NEGR1: variants seen among roughly 807,000 people sequenced by gnomAD.
NEGR1 encodes the protein neuronal growth regulator 1.
In NEGR1, 10 loss-of-function variants were observed where a neutral mutation model predicts 40.9. That is an observed-to-expected ratio of 0.24 (90% confidence interval 0.15 to 0.42). The LOEUF (loss-of-function observed/expected upper bound fraction) is 0.42, where lower values mean the gene tolerates loss of function less well. Ranked by LOEUF, NEGR1 falls within the 10% of genes least tolerant of loss-of-function variation. The probability of loss-of-function intolerance (pLI) is 1.00; values close to 1 mark genes in which losing one functional copy is unlikely to be tolerated. For synonymous variants in NEGR1, 185 were observed against 166.8 expected, an observed-to-expected ratio of 1.11 and a Z score of -0.84; for missense variants, 352 against 438.9, an observed-to-expected ratio of 0.80 and a Z score of 1.77.
chr1:71,730,569 T>TTATCTATA (rs1553161611), intron 3 of NEGR1, among the ~76,000 whole-genome samples: 1 of 134,726 alleles, frequency 7.4e-6, no homozygotes, highest in Admixed American at 7.5e-5. Flanking sequence ...TAGTATAAAT[T>TTATCTATA]TATATATATA....
intron 1 of NEGR1, among the ~76,000 whole-genome samples, chr1:72,046,231 T>C (rs1647000960): frequency 6.6e-6 from 1 of 151,558 alleles, no homozygotes; most frequent in African/African-American, 2.4e-5. Context: ...AGAGAGTAAA[T>C]ATTGAAACCT....
At chr1:71,420,012 C>G (rs780444289) in intron 6 of NEGR1, among the ~76,000 whole-genome samples, 1 of 151,900 alleles carries the variant, frequency 6.6e-6, no homozygotes, top group Non-Finnish European at 1.5e-5. Context: ...TTTTTAAAAC[C>G]ATTACATCAA....
At chr1:71,632,686 G>A (rs937212472) in intron 4 of NEGR1, among the ~76,000 whole-genome samples, 1 of 151,712 alleles carries the variant, frequency 6.6e-6, no homozygotes, top group African/African-American at 2.4e-5. Flanking sequence ...TTTCTTAATT[G>A]TCATTTTATT....
chr1:71,803,161 T>A (rs1324320667), intron 2 of NEGR1, among the ~76,000 whole-genome samples: 1 of 152,106 alleles, frequency 6.6e-6, no homozygotes, highest in East Asian at 1.9e-4. Context: ...TCATCTTGGT[T>A]GGCCCCTAAT....
At chr1:71,665,445 C>T (rs1652211384) in intron 4 of NEGR1, among the ~76,000 whole-genome samples, 1 of 152,154 alleles carries the variant, frequency 6.6e-6, no homozygotes, top group South Asian at 2.1e-4. Flanking sequence ...ATTCTATAAA[C>T]ATGTGTTGGA....
At chr1:71,783,852 A>ATCCATCCC (rs1656810395) in intron 2 of NEGR1, among the ~76,000 whole-genome samples, 1 of 128,124 alleles carries the variant, frequency 7.8e-6, no homozygotes, top group African/African-American at 2.5e-5. Context: ...CCATCCATCC[A>ATCCATCCC]TCCATCCATC....
rs531092809 is a variant in NEGR1 at position 71,863,810 on chromosome 1, C to T, written c.409+71269G>A. 4.9e-4 allele frequency among the ~76,000 whole-genome samples: 74 copies of T among 152,148 alleles called. 1 individual carries two copies. Among genetic ancestry groups the T allele is most frequent in the African/African-American group, 8.7e-4 (36 of 41,510 alleles). ...TTTGAGTGGTCTGGCAACCACCCAA[C>T]GTGTTGATTATACATAATGAACAAG... On this transcript the variant is annotated intron_variant, in intron 2 of 6. Transcript: ENST00000357731.
At chr1:71,597,517 G>C (rs2101527779) in intron 5 of NEGR1, among the ~76,000 whole-genome samples, 1 of 118,966 alleles carries the variant, frequency 8.4e-6, no homozygotes, top group Non-Finnish European at 1.8e-5. Flanking sequence ...CTGTGAATCA[G>C]ACTGTATTTC....
At chr1:71,466,439 G>A (rs548044941) in intron 6 of NEGR1, among the ~76,000 whole-genome samples, 60 of 152,152 alleles carry the variant, frequency 3.9e-4, no homozygotes, top group African/African-American at 1.3e-3. Flanking sequence ...GCTAGTGGGA[G>A]CAGATAGTTT....
intron 1 of NEGR1, among the ~76,000 whole-genome samples, chr1:71,965,362 T>G (rs981252262): frequency 1.3e-5 from 2 of 152,184 alleles, no homozygotes; most frequent in Non-Finnish European, 2.9e-5. Flanking sequence ...TTTCTGTTAC[T>G]TGCAGCTGAA....
chr1:71,471,965 T>A (rs1301745513), intron 6 of NEGR1, among the ~76,000 whole-genome samples: 1 of 152,060 alleles, frequency 6.6e-6, no homozygotes, highest in African/African-American at 2.4e-5. Flanking sequence ...CCCTTTTACC[T>A]CCCCTGTGTT....
At chr1:71,601,130 A>G (rs1649904734) in intron 5 of NEGR1, among the ~76,000 whole-genome samples, 1 of 152,214 alleles carries the variant, frequency 6.6e-6, no homozygotes, top group African/African-American at 2.4e-5. Flanking sequence ...ACTCTAAGCC[A>G]TATTTTAACT....
chr1:72,221,003 C>T (rs1653995691), intron 1 of NEGR1, among the ~76,000 whole-genome samples: 1 of 147,340 alleles, frequency 6.8e-6, no homozygotes, highest in African/African-American at 2.5e-5. Flanking sequence ...TGGCTTAAAA[C>T]ATGACAAATT....
At chr1:71,908,678 C>T (rs182693454) in intron 2 of NEGR1, among the ~76,000 whole-genome samples, 34 of 152,228 alleles carry the variant, frequency 2.2e-4, no homozygotes, top group African/African-American at 7.9e-4. Context: ...TGGATCTTGT[C>T]CTTACCTGTA....
chr1:71,994,587 A>T (rs1475347047), intron 1 of NEGR1, among the ~76,000 whole-genome samples: 1 of 151,920 alleles, frequency 6.6e-6, no homozygotes, highest in Non-Finnish European at 1.5e-5. Flanking sequence ...TAAATCCCAA[A>T]TATCTTATAT....
chr1:72,036,570 C>G (rs756543992), intron 1 of NEGR1, among the ~76,000 whole-genome samples: 4 of 150,920 alleles, frequency 2.7e-5, no homozygotes, highest in African/African-American at 9.8e-5. Flanking sequence ...GCAGAAGAAT[C>G]TCTTGAACCT....
At chr1:71,440,959 A>G (rs1646542891) in intron 6 of NEGR1, among the ~76,000 whole-genome samples, 1 of 152,230 alleles carries the variant, frequency 6.6e-6, no homozygotes, top group African/African-American at 2.4e-5. Context: ...GGACACTCAT[A>G]GATCAAAACA....
chr1:72,163,260 T>C (rs1004228200), intron 1 of NEGR1, among the ~76,000 whole-genome samples: 4 of 152,158 alleles, frequency 2.6e-5, no homozygotes, highest in Non-Finnish European at 5.9e-5. Flanking sequence ...AGGTCATCAA[T>C]TTAGTAAGTG....
At chr1:71,535,197 A>T (rs1647476294) in intron 6 of NEGR1, among the ~76,000 whole-genome samples, 1 of 151,686 alleles carries the variant, frequency 6.6e-6, no homozygotes, top group African/African-American at 2.4e-5. Context: ...ATTTAATGGG[A>T]CAGTGAACAG....
Sources: allele counts gnomAD v4.1 joint callset (sites outside exome capture counted in the v4.1 genomes callset), GRCh38; gene constraint gnomAD v4.1.1; transcripts MANE v1.5; gene names NCBI Gene and HGNC (gene_info 2026-07-23, HGNC 2026-07-21).